Variants in TRAPPC9 observed in about 807,000 individuals in gnomAD.
TRAPPC9 encodes trafficking protein particle complex subunit 9.
Under a neutral mutation model 124.0 loss-of-function variants are expected in TRAPPC9, and 83 were observed. The ratio of observed to expected loss-of-function variants is 0.67; its 90% CI spans 0.56 to 0.80. The LOEUF is 0.80. Ranked by LOEUF, TRAPPC9 falls within the 30% of genes least tolerant of loss-of-function variation. The pLI is 0.00. For synonymous variants in TRAPPC9, 638 were observed against 617.5 expected (o/e 1.03, Z -0.49); for missense variants, 1,302 against 1,508.3 (o/e 0.86, Z 2.27).
At chr8:139,929,520 GAA>G (rs10707681) in intron 19 of TRAPPC9, among the ~76,000 whole-genome samples, 1 of 146,840 alleles carries the variant, frequency 6.8e-6, no homozygotes, top group Non-Finnish European at 1.5e-5. Flanking sequence ...CGGATCATGA[GAA>G]AAAAAAAAAA....
chr8:139,857,499 C>T (rs1023083649), intron 21 of TRAPPC9, among the ~76,000 whole-genome samples: 3 of 152,172 alleles, frequency 2.0e-5, no homozygotes, highest in African/African-American at 7.2e-5. Flanking sequence ...CAACGTGGAC[C>T]CCAGTCCAGG....
rs1414733850 is a variant in TRAPPC9 at position 140,450,786 on chromosome 8, T to A, written c.584+4A>T. 1 of 1,601,688 alleles carries A rather than the reference T, an allele frequency of 6.2e-7. No homozygotes were observed. Among genetic ancestry groups the A allele is most frequent in the Non-Finnish European group, 8.5e-7 (1 of 1,173,158 alleles). On this transcript the variant is annotated splice_donor_region_variant and intron_variant, in intron 2 of 22. Coordinates refer to ENST00000438773, the MANE Select transcript of TRAPPC9 (RefSeq NM_001160372.4). ...AAGGGGCCTGGGTCTCTAGGTAAGC[T>A]TACCTGCTGTCTGTGTCCAGTCCTA...
chr8:139,979,341 C>A (rs1458343967), intron 19 of TRAPPC9, among the ~76,000 whole-genome samples: 8 of 152,172 alleles, frequency 5.3e-5, no homozygotes, highest in Non-Finnish European at 4.4e-5. Context: ...CGGAGCTTCC[C>A]ACTCACCCGC....
At chr8:140,017,381 C>T (rs1475799481) in intron 18 of TRAPPC9, among the ~76,000 whole-genome samples, 1 of 152,210 alleles carries the variant, frequency 6.6e-6, no homozygotes, top group Non-Finnish European at 1.5e-5. Flanking sequence ...TAAAATTCAT[C>T]TCCAGTGAAT....
chr8:140,009,258 A>C (rs1250723323), intron 18 of TRAPPC9, among the ~76,000 whole-genome samples: 1 of 152,222 alleles, frequency 6.6e-6, no homozygotes, highest in Non-Finnish European at 1.5e-5. Flanking sequence ...TGTGGTTCAA[A>C]TATGGTGCTC....
rs1042268785 is a variant in TRAPPC9 at position 140,457,614 on chromosome 8, G to A, written c.-11+25C>T. ...CGCAGCCGGTCCGAATTGCCTGACCGGGAGCCCCCCCGCTTTGCACTTACA... is the reference window on the plus strand; with the variant it reads ...CGCAGCCGGTCCGAATTGCCTGACCAGGAGCCCCCCCGCTTTGCACTTACA... On this transcript the variant is annotated intron_variant, in intron 1 of 22. Coordinates refer to ENST00000438773, the MANE Select transcript of TRAPPC9 (RefSeq NM_001160372.4). 35 of 985,678 alleles carry A rather than the reference G, an allele frequency of 3.6e-5. No homozygotes were observed. In the African/African-American group the frequency reaches 5.9e-4, roughly 17 times the overall value. The allele number at this position is 985,678 out of a possible 1,614,324, so 61.1% of individuals were successfully genotyped here.
chr8:139,867,335 C>A (rs1216357982), intron 21 of TRAPPC9, among the ~76,000 whole-genome samples: 2 of 151,946 alleles, frequency 1.3e-5, no homozygotes. Flanking sequence ...ATCTGGGTAT[C>A]GAAATAACTA....
At chr8:140,230,331 G>T (rs2063560884) in intron 16 of TRAPPC9, among the ~76,000 whole-genome samples, 2 of 152,100 alleles carry the variant, frequency 1.3e-5, no homozygotes, top group Non-Finnish European at 2.9e-5. Context: ...AAGTAGGGCT[G>T]GGCACGGTGG....
intron 17 of TRAPPC9, among the ~76,000 whole-genome samples, chr8:140,047,380 C>T (rs1841673758): frequency 6.6e-6 from 1 of 152,212 alleles, no homozygotes. Flanking sequence ...AGCCCGAATG[C>T]GAAGGGTATG....
chr8:139,779,511 G>T (rs948664451), intron 21 of TRAPPC9, among the ~76,000 whole-genome samples: 9 of 152,084 alleles, frequency 5.9e-5, no homozygotes, highest in African/African-American at 2.2e-4. Context: ...GTCCTGTGGG[G>T]CTTATAATGT....
intron 11 of TRAPPC9, among the ~76,000 whole-genome samples, chr8:140,296,661 C>T (rs1032674353): frequency 3.9e-5 from 6 of 152,238 alleles, no homozygotes; most frequent in African/African-American, 1.4e-4. Flanking sequence ...CATCTGGGTT[C>T]ACGCTCTGCT....
At chr8:139,898,765 G>C (rs1830825315) in intron 20 of TRAPPC9, among the ~76,000 whole-genome samples, 1 of 152,146 alleles carries the variant, frequency 6.6e-6, no homozygotes, top group African/African-American at 2.4e-5. Context: ...AACAGTATCA[G>C]ATCTCAATCC....
In TRAPPC9 at chr8:140,410,141, CAAAAAAAAA is replaced by C. The variant is rs61149910; in HGVS notation, c.887-4452_887-4444del. 7.0e-4 allele frequency among the ~76,000 whole-genome samples: 49 copies of C among 70,228 alleles called. No individual in the cohort carries two copies. In the East Asian group the frequency reaches 0.011, roughly 16 times the overall value. The allele number at this position is 70,228 out of a possible 152,430, so 46.1% of individuals were successfully genotyped here. A position where few individuals can be genotyped will look rare whatever the true frequency, so the allele number is the denominator to read the frequency against. ...GGGTGAGGGCATGAGACCTTGTCTC[CAAAAAAAAA>C]AAAAAAAAAAAAAAAAAAATAGGAG... is the stretch of plus-strand genomic sequence containing the variant. On this transcript the variant is annotated intron_variant, in intron 5 of 22. Coordinates refer to ENST00000438773, the MANE Select transcript of TRAPPC9 (RefSeq NM_001160372.4).
chr8:139,895,097 G>A (rs1184772066), intron 20 of TRAPPC9, among the ~76,000 whole-genome samples: 2 of 152,148 alleles, frequency 1.3e-5, no homozygotes, highest in South Asian at 4.1e-4. Context: ...GGCCACCCCC[G>A]GAGCCACTTT....
chr8:139,836,288 G>A (rs529034875), intron 21 of TRAPPC9, among the ~76,000 whole-genome samples: 53 of 152,276 alleles, frequency 3.5e-4, no homozygotes, highest in Admixed American at 3.3e-4. Flanking sequence ...GGTTACAGGC[G>A]TGAGCCACCA....
At chr8:140,243,727 C>A (rs2131447304) in intron 16 of TRAPPC9, among the ~76,000 whole-genome samples, 1 of 152,326 alleles carries the variant, frequency 6.6e-6, no homozygotes, top group South Asian at 2.1e-4. Context: ...TATCATATCC[C>A]CATTTTTGAA....
intron 8 of TRAPPC9, among the ~76,000 whole-genome samples, chr8:140,368,423 G>A (rs975976242): frequency 5.9e-5 from 9 of 152,104 alleles, no homozygotes; most frequent in Admixed American, 3.9e-4. Flanking sequence ...GGTCATCAGC[G>A]CTCCGCCTGC....
chr8:139,913,151 A>C (rs553523880), intron 19 of TRAPPC9, among the ~76,000 whole-genome samples: 3 of 152,320 alleles, frequency 2.0e-5, no homozygotes, highest in African/African-American at 7.2e-5. Flanking sequence ...TCTTTCAAAC[A>C]ATTTCTGGTT....
At position 140,013,365 on chromosome 8, in the gene TRAPPC9, C is replaced by T. The variant is rs560923775; in HGVS notation, c.2699+10572G>A. Among the ~76,000 whole-genome samples, 38 of 152,330 alleles carry T rather than the reference C, an allele frequency of 2.5e-4. No individual in the cohort carries two copies. The South Asian group carries it at 7.7e-3, about 31-fold the overall frequency. The stretch of plus-strand genomic sequence containing the variant: ...CCTAAGGAAAGGAAACTGTACTCCC[C>T]AGTCGTCTAAACAAACAACTCAAAT... On this transcript the variant is annotated intron_variant, in intron 18 of 22. Coordinates refer to ENST00000438773, the MANE Select transcript of TRAPPC9 (RefSeq NM_001160372.4).
Sources: gnomAD v4.1 joint callset for allele counts (sites outside exome capture counted in the v4.1 genomes callset) on GRCh38, gnomAD v4.1.1 for gene constraint, MANE v1.5 for transcripts, NCBI Gene and HGNC (gene_info 2026-07-23, HGNC 2026-07-21) for gene names.